Variants in PLS1 observed in about 807,000 individuals in gnomAD.
The protein encoded by PLS1 is plastin-1.
In PLS1, 32 loss-of-function variants were observed where a neutral mutation model predicts 73.7. The ratio of observed to expected loss-of-function variants is 0.43; its 90% confidence interval spans 0.33 to 0.58. The LOEUF is 0.58. Among genes scored for constraint, PLS1 ranks in the 20% least tolerant of loss-of-function variants. The pLI is 0.04. For missense variants in PLS1, 633 were observed against 740.5 expected (o/e 0.85, Z 1.68); for synonymous variants, 217 against 261.3 (o/e 0.83, Z 1.63).
intron 12 of PLS1, among the ~76,000 whole-genome samples, chr3:142,703,028 T>C (rs1297439988): frequency 2.0e-5 from 3 of 152,222 alleles, no homozygotes; most frequent in Non-Finnish European, 4.4e-5. Flanking sequence ...GGATAGATCA[T>C]TATTAGCTGG....
chr3:142,698,764 A>G (rs1324482639), intron 12 of PLS1, among the ~76,000 whole-genome samples: 1 of 152,214 alleles, frequency 6.6e-6, no homozygotes, highest in Non-Finnish European at 1.5e-5. Flanking sequence ...ATCCTTCTAA[A>G]ACCAGTTTGT....
Position 142,711,618 on chromosome 3 carries a change from A to G in PLS1, c.1747A>G (p.Asn583Asp). The change falls in exon 15 of 16, where the codon AAT becomes GAT. Residue 583 changes from asparagine (N) to aspartate (D), a missense_variant. Physicochemically the swap from Asn to Asp is conservative, Grantham distance 23. Transcript: ENST00000457734. ...ENLSDEDKLN[N>D]AKYAISVARK... ...CTTATCTGATGAGGACAAGCTGAAC[A>G]ATGCTAAGTAAGCCTTTATGGTTTA... The G allele has an allele frequency of 6.2e-7, 1 of 1,603,012 alleles. No individual in the cohort carries two copies. Among genetic ancestry groups the G allele is most frequent in the Non-Finnish European group, 8.5e-7 (1 of 1,171,748 alleles).
At chr3:142,699,701 A>G (rs1047634986) in intron 12 of PLS1, among the ~76,000 whole-genome samples, 4 of 152,244 alleles carry the variant, frequency 2.6e-5, no homozygotes, top group African/African-American at 9.6e-5. Context: ...TAACACATAC[A>G]GAGATGTATT....
intron 1 of PLS1, among the ~76,000 whole-genome samples, chr3:142,602,895 C>G (rs1279765072): frequency 6.6e-6 from 1 of 152,160 alleles, no homozygotes; most frequent in Non-Finnish European, 1.5e-5. Flanking sequence ...CCATGTTGGC[C>G]AGGCTGGTCG....
rs1933184149 is a variant in PLS1 at position 142,712,445 on chromosome 3, A to G, written c.*438A>G. On this transcript the variant is annotated 3_prime_UTR_variant, in exon 16 of 16. Transcript: ENST00000457734. ...TTTAATCCTTTTATTTGCTTCCTCC[A>G]ACTATTTAAAGTGGTCCAAAAACAC... The G allele has an allele frequency of 6.4e-6, 1 of 156,130 alleles. No individual in the cohort carries two copies. Among genetic ancestry groups the G allele is most frequent in the Non-Finnish European group, 1.4e-5 (1 of 70,306 alleles). 9.7% of individuals were successfully genotyped at this position (156,130 alleles called of 1,614,324 possible).
chr3:142,698,452 A>AT (rs397949311), intron 12 of PLS1: 5 of 152,178 alleles, frequency 3.3e-5, no homozygotes, highest in Admixed American at 3.3e-4. Flanking sequence ...AAAAAAAAAA[A>AT]GTATAAAGCA....
chr3:142,636,323 G>C (rs1466907512), intron 1 of PLS1, among the ~76,000 whole-genome samples: 1 of 152,162 alleles, frequency 6.6e-6, no homozygotes, highest in Non-Finnish European at 1.5e-5. Context: ...CAACAAAGAT[G>C]CAAATGCAAT....
At chr3:142,697,365 T>G (rs1195988637) in intron 11 of PLS1, among the ~76,000 whole-genome samples, 1 of 152,188 alleles carries the variant, frequency 6.6e-6, no homozygotes, top group Non-Finnish European at 1.5e-5. Context: ...TTATTCTTAC[T>G]GTACAAGTTT....
Position 142,669,375 on chromosome 3 carries a change from A to G in PLS1, c.71-15A>G, listed in dbSNP as rs780211958. On this transcript the variant is annotated splice_polypyrimidine_tract_variant and intron_variant, in intron 2 of 15. Transcript: ENST00000457734. ...ACAAAGATTACAAAATATATTTTATAATATATCTTTACAGATATTGACAAT... is the reference window on the plus strand; with the variant it reads ...ACAAAGATTACAAAATATATTTTATGATATATCTTTACAGATATTGACAAT... 13 of 1,408,510 alleles carry G rather than the reference A, an allele frequency of 9.2e-6. No homozygotes were observed. In the Admixed American group the frequency reaches 1.4e-4, roughly 15 times the overall value. 87.3% of individuals were successfully genotyped at this position (1,408,510 alleles called of 1,614,324 possible). A position where few individuals can be genotyped will look rare whatever the true frequency, so the allele number is the denominator to read the frequency against.
chr3:142,668,377 G>GTAA (rs1560058655), intron 2 of PLS1, among the ~76,000 whole-genome samples: 1 of 152,102 alleles, frequency 6.6e-6, no homozygotes. Context: ...TTCAGCATAC[G>GTAA]TAATGGTATC....
intron 1 of PLS1, among the ~76,000 whole-genome samples, chr3:142,633,743 G>T (rs1255066911): frequency 6.6e-6 from 1 of 152,108 alleles, no homozygotes; most frequent in Non-Finnish European, 1.5e-5. Context: ...AATAAAAAAA[G>T]TTATAGGAAT....
chr3:142,666,995 T>C (rs1187627812), intron 2 of PLS1, among the ~76,000 whole-genome samples: 1 of 152,242 alleles, frequency 6.6e-6, no homozygotes, highest in Non-Finnish European at 1.5e-5. Flanking sequence ...TTGTTGTTGT[T>C]GTCGAGTTGT....
At chr3:142,684,458 G>A in intron 8 of PLS1, 63 bp downstream of exon 8, 2 of 1,321,416 alleles carry the variant, frequency 1.5e-6, no homozygotes, top group South Asian at 1.4e-5. Context: ...AAAATAAAAG[G>A]GGTTCAGACT....
rs1350045766 is a variant in PLS1, at chr3:142,697,593, T to C, written c.1257-360T>C. ...GCCATTTTCTTTTTAAAATTTGATA[T>C]GTCTTGCAAAGCTTTTCATATCAAT... On this transcript the variant is annotated intron_variant, in intron 11 of 15. Coordinates refer to ENST00000457734, the MANE Select transcript of PLS1 (RefSeq NM_001145319.2). 2.6e-5 allele frequency among the ~76,000 whole-genome samples: 4 copies of C among 152,196 alleles called. No individual in the cohort carries two copies. In the South Asian group the frequency reaches 6.2e-4, roughly 24 times the overall value.
chr3:142,600,901 TATATA>T (rs1464289818), intron 1 of PLS1, among the ~76,000 whole-genome samples: 6 of 31,924 alleles, frequency 1.9e-4, no homozygotes, highest in African/African-American at 1.2e-3. Flanking sequence ...TATATATATA[TATATA>T]TATATATATA....
At chr3:142,710,985 T>A (rs1008086715) in intron 14 of PLS1, among the ~76,000 whole-genome samples, 1 of 152,268 alleles carries the variant, frequency 6.6e-6, no homozygotes, top group African/African-American at 2.4e-5. Flanking sequence ...CATCTTTTTT[T>A]AAAAAAGAAT....
intron 8 of PLS1, among the ~76,000 whole-genome samples, chr3:142,685,183 A>G (rs907115706): frequency 2.0e-5 from 3 of 152,218 alleles, no homozygotes; most frequent in Non-Finnish European, 4.4e-5. Flanking sequence ...ATACACTGTT[A>G]TATTTGAAAG....
intron 1 of PLS1, among the ~76,000 whole-genome samples, chr3:142,634,618 A>G (rs1207136231): frequency 6.6e-6 from 1 of 152,090 alleles, no homozygotes; most frequent in East Asian, 1.9e-4. Context: ...AAAACAGTCA[A>G]CCTAGAATTC....
intron 1 of PLS1, among the ~76,000 whole-genome samples, chr3:142,658,513 A>G (rs958297255): frequency 1.3e-5 from 2 of 151,006 alleles, no homozygotes; most frequent in African/African-American, 4.9e-5. Flanking sequence ...ATTCAGCCCT[A>G]CCCTGCAAGC....
Sources: gnomAD v4.1 joint callset for allele counts (sites outside exome capture counted in the v4.1 genomes callset) on GRCh38, gnomAD v4.1.1 for gene constraint, MANE v1.5 for transcripts, NCBI Gene and HGNC (gene_info 2026-07-23, HGNC 2026-07-21) for gene names.